EPHA6: variants seen among roughly 807,000 people sequenced by gnomAD.
The protein encoded by EPHA6 is EPH receptor A6, also known as ephrin type-A receptor 6.
In EPHA6, 50 loss-of-function variants were observed where a neutral mutation model predicts 112.0. The observed-to-expected ratio is 0.45, with a 90% CI of 0.36 to 0.56. The LOEUF (loss-of-function observed/expected upper bound fraction) is 0.56, where lower values mean the gene tolerates loss of function less well. Ranked by LOEUF, EPHA6 falls within the 20% of genes least tolerant of loss-of-function variation. The probability of loss-of-function intolerance (pLI) is 0.00; values close to 1 mark genes in which losing one functional copy is unlikely to be tolerated. For synonymous variants in EPHA6, 529 were observed against 490.7 expected (o/e 1.08, Z -1.03); for missense variants, 1,280 against 1,417.4 (o/e 0.90, Z 1.56).
chr3:97,650,361 A>G (rs1466856717), intron 14 of EPHA6, among the ~76,000 whole-genome samples: 1 of 152,130 alleles, frequency 6.6e-6, no homozygotes, highest in African/African-American at 2.4e-5. Context: ...GAAAGTGGGG[A>G]TTAATGCAAT....
chr3:97,629,768 A>T (rs2093888052), intron 13 of EPHA6, among the ~76,000 whole-genome samples: 1 of 152,118 alleles, frequency 6.6e-6, no homozygotes, highest in East Asian at 1.9e-4. Flanking sequence ...ACCATCTTAG[A>T]GAGACTTCAC....
At chr3:97,569,358 T>C (rs2093307616) in intron 11 of EPHA6, among the ~76,000 whole-genome samples, 1 of 152,146 alleles carries the variant, frequency 6.6e-6, no homozygotes, top group South Asian at 2.1e-4. Context: ...AAATAAATAG[T>C]GAATGAGCCC....
intron 2 of EPHA6, among the ~76,000 whole-genome samples, chr3:96,897,182 ATATATATC>A (rs919225866): frequency 5.7e-4 from 86 of 149,584 alleles, no homozygotes; most frequent in African/African-American, 2.1e-3. Flanking sequence ...ACATATGCAC[ATATATATC>A]TATATATCTG....
chr3:96,976,406 G>T (rs925275339), intron 2 of EPHA6, among the ~76,000 whole-genome samples: 33 of 152,032 alleles, frequency 2.2e-4, no homozygotes, highest in Middle Eastern at 3.4e-3. Context: ...ACTTAAACCT[G>T]CACTAAAATG....
chr3:97,043,578 C>T (rs2045396191), intron 3 of EPHA6, among the ~76,000 whole-genome samples: 2 of 152,142 alleles, frequency 1.3e-5, no homozygotes, highest in African/African-American at 4.8e-5. Context: ...CTTTTCAAAG[C>T]AGGCTCCACA....
chr3:97,328,078 T>TATATATATATATATATATATATATATAA, intron 5 of EPHA6, among the ~76,000 whole-genome samples: 1 of 138,394 alleles, frequency 7.2e-6, no homozygotes, highest in Admixed American at 7.2e-5. Flanking sequence ...TATATATATA[T>TATATATATATATATATATATATATATAA]AACCTGTTTT....
chr3:97,194,561 C>G (rs1399977947), intron 3 of EPHA6, among the ~76,000 whole-genome samples: 2 of 148,344 alleles, frequency 1.3e-5, no homozygotes, highest in Non-Finnish European at 3.0e-5. Context: ...ATGAATTGTT[C>G]TATAAAAATC....
chr3:96,880,085 T>G (rs779162120), intron 2 of EPHA6, among the ~76,000 whole-genome samples: 26 of 151,976 alleles, frequency 1.7e-4, no homozygotes, highest in Non-Finnish European at 3.2e-4. Flanking sequence ...TAACCACCTA[T>G]ACTCCGAAAG....
At chr3:96,918,364 G>T (rs887315419) in intron 2 of EPHA6, among the ~76,000 whole-genome samples, 1 of 152,002 alleles carries the variant, frequency 6.6e-6, no homozygotes, top group Non-Finnish European at 1.5e-5. Flanking sequence ...TTTTAAAACC[G>T]TTGCTTTATG....
intron 3 of EPHA6, among the ~76,000 whole-genome samples, chr3:97,168,401 G>T (rs2076594262): frequency 6.6e-6 from 1 of 152,046 alleles, no homozygotes; most frequent in Non-Finnish European, 1.5e-5. Flanking sequence ...GGTTTCTAGT[G>T]CTGGAGGACC....
intron 3 of EPHA6, among the ~76,000 whole-genome samples, chr3:97,171,105 G>A (rs1320433499): frequency 6.6e-6 from 1 of 152,102 alleles, no homozygotes; most frequent in African/African-American, 2.4e-5. Flanking sequence ...GAGAAAACGA[G>A]ACAATTAGAA....
At chr3:97,374,678 C>T (rs757886875) in intron 5 of EPHA6, among the ~76,000 whole-genome samples, 4 of 151,974 alleles carry the variant, frequency 2.6e-5, no homozygotes, top group Non-Finnish European at 4.4e-5. Flanking sequence ...TTATATTAGT[C>T]CCATAGTCCC....
intron 3 of EPHA6, among the ~76,000 whole-genome samples, chr3:97,225,201 C>T (rs187593163): frequency 5.3e-5 from 8 of 152,112 alleles, no homozygotes; most frequent in East Asian, 3.9e-4. Context: ...GTGATCAGCC[C>T]GCCTCGGCCT....
chr3:96,851,286 A>G (rs573586253), intron 1 of EPHA6, among the ~76,000 whole-genome samples: 86 of 152,306 alleles, frequency 5.6e-4, no homozygotes, highest in Middle Eastern at 3.4e-3. Context: ...ATAAACTCCA[A>G]TAATAAAGAA....
chr3:97,050,974 A>T (rs78902682), intron 3 of EPHA6, among the ~76,000 whole-genome samples: 158 of 152,294 alleles, frequency 1.0e-3, no homozygotes, highest in African/African-American at 3.7e-3. Context: ...TAGTCCTGGT[A>T]TGAAGAATTC....
chr3:96,852,844 A>G (rs1277065467), intron 1 of EPHA6, among the ~76,000 whole-genome samples: 2 of 152,114 alleles, frequency 1.3e-5, no homozygotes, highest in African/African-American at 2.4e-5. Context: ...TTCAGCTAAT[A>G]AGATATTCTT....
chr3:97,651,115 T>C (rs2094104827), intron 14 of EPHA6, among the ~76,000 whole-genome samples: 1 of 152,112 alleles, frequency 6.6e-6, no homozygotes, highest in Non-Finnish European at 1.5e-5. Flanking sequence ...TAATGGCTTA[T>C]TTATTAATTG....
At chr3:97,389,796 T>C (rs892931224) in intron 5 of EPHA6, among the ~76,000 whole-genome samples, 3 of 152,152 alleles carry the variant, frequency 2.0e-5, no homozygotes, top group Admixed American at 6.6e-5. Flanking sequence ...CCTATTAACT[T>C]ATGCAATAAA....
At chr3:97,618,870 C>T (rs2093788625) in intron 13 of EPHA6, among the ~76,000 whole-genome samples, 1 of 151,984 alleles carries the variant, frequency 6.6e-6, no homozygotes, top group Non-Finnish European at 1.5e-5. Context: ...TGAAACAATA[C>T]TAAAAAAATT....
Sources: gnomAD v4.1 joint callset for allele counts (sites outside exome capture counted in the v4.1 genomes callset) on GRCh38, gnomAD v4.1.1 for gene constraint, MANE v1.5 for transcripts, NCBI Gene and HGNC (gene_info 2026-07-23, HGNC 2026-07-21) for gene names.